Variants in PVT1 observed in about 807,000 individuals in gnomAD.
PVT1 encodes CXCR4/PVT1 fusion.
intron 2 of PVT1, among the ~76,000 whole-genome samples, chr8:127,842,259 T>C (rs1814982770): frequency 6.8e-6 from 1 of 147,068 alleles, no homozygotes; most frequent in Non-Finnish European, 1.5e-5. Flanking sequence ...GCTCTGGATT[T>C]TTTTTTTTTT....
intron 3 of PVT1, among the ~76,000 whole-genome samples, chr8:127,906,447 T>A (rs912906418): frequency 1.3e-5 from 2 of 152,146 alleles, no homozygotes; most frequent in African/African-American, 4.8e-5. Flanking sequence ...TTCCTGAGGA[T>A]GATAAATGTT....
intron 2 of PVT1, among the ~76,000 whole-genome samples, chr8:127,799,477 T>G (rs1027632485): frequency 2.6e-5 from 4 of 152,206 alleles, no homozygotes; most frequent in African/African-American, 9.6e-5. Context: ...TCAACAGTCA[T>G]TATCTTTTTA....
intron 2 of PVT1, among the ~76,000 whole-genome samples, chr8:127,865,488 C>A (rs1427859336): frequency 6.6e-6 from 1 of 152,144 alleles, no homozygotes; most frequent in African/African-American, 2.4e-5. Context: ...ATCACAGAGT[C>A]CTTACAAGTG....
At chr8:127,817,528 A>AATATATATATATATATATATATATATAT (rs36101639) in intron 2 of PVT1, among the ~76,000 whole-genome samples, 65 of 68,662 alleles carry the variant, frequency 9.5e-4, no homozygotes, top group African/African-American at 3.1e-3. Flanking sequence ...TATCTATTTA[A>AATATATATATATATATATATATATATAT]ATATATATAT....
intron 2 of PVT1, among the ~76,000 whole-genome samples, chr8:127,890,170 TC>T (rs1392726138): frequency 6.6e-6 from 1 of 152,168 alleles, no homozygotes. Context: ...AAGAACTACT[TC>T]CTACCAGCTG....
chr8:128,073,360 TC>T (rs1220824226), intron 5 of PVT1, among the ~76,000 whole-genome samples: 7 of 152,156 alleles, frequency 4.6e-5, no homozygotes, highest in African/African-American at 1.4e-4. Context: ...CCTCCTTTTC[TC>T]CCTCCATCCC....
At chr8:127,987,689 C>A (rs1816984731) in intron 3 of PVT1, among the ~76,000 whole-genome samples, 1 of 152,196 alleles carries the variant, frequency 6.6e-6, no homozygotes, top group Non-Finnish European at 1.5e-5. Flanking sequence ...CCTAAAAAGC[C>A]TCTTTAAGTA....
chr8:127,935,263 G>A (rs1057079037), intron 3 of PVT1, among the ~76,000 whole-genome samples: 8 of 152,112 alleles, frequency 5.3e-5, no homozygotes, highest in Admixed American at 1.3e-4. Flanking sequence ...CTGTAATCCC[G>A]GTGCCCAGCC....
intron 4 of PVT1, among the ~76,000 whole-genome samples, chr8:128,018,030 C>CA (rs1185335357): frequency 6.6e-6 from 1 of 152,122 alleles, no homozygotes; most frequent in African/African-American, 2.4e-5. Flanking sequence ...CGCATACGCA[C>CA]AAAAATATTG....
At chr8:127,991,652 G>A (rs753400702) in intron 4 of PVT1, among the ~76,000 whole-genome samples, 75 of 152,168 alleles carry the variant, frequency 4.9e-4, no homozygotes, top group Non-Finnish European at 1.0e-3. Context: ...GTGGGGTGAC[G>A]GAGAGACATT....
chr8:127,799,544 T>G (rs1453378524), intron 2 of PVT1, among the ~76,000 whole-genome samples: 1 of 152,218 alleles, frequency 6.6e-6, no homozygotes, highest in Non-Finnish European at 1.5e-5. Flanking sequence ...AGGGAAAGTA[T>G]GCTGATGAAA....
Position 127,984,875 on chromosome 8 carries a change from T to TTCTTTC in PVT1, n.783-4285_783-4280dup, listed in dbSNP as rs1554602105. 4.8e-3 allele frequency among the ~76,000 whole-genome samples: 410 copies of TTCTTTC among 86,216 alleles called. 11 individuals are homozygous for TTCTTTC. The highest frequency in any genetic ancestry group is 0.011 in the South Asian group (22 of 1,920). The allele number at this position is 86,216 out of a possible 152,430, so 56.6% of individuals were successfully genotyped here. ...TTTCTTTCTTTCTTTCTTTCTTTCT[T>TTCTTTC]TCTTTCTTTCTTTCTTTCTTTCTTT... On this transcript the variant is annotated intron_variant and non_coding_transcript_variant, in intron 3 of 10. Transcript: ENST00000651587.
intron 3 of PVT1, among the ~76,000 whole-genome samples, chr8:127,982,997 C>G (rs999024314): frequency 2.6e-5 from 4 of 152,128 alleles, no homozygotes; most frequent in East Asian, 1.9e-4. Context: ...CAGGGAGACA[C>G]GGGTCTGGGC....
At chr8:128,099,696 C>A (rs562268836) in intron 6 of PVT1, 1 of 152,100 alleles carries the variant, frequency 6.6e-6, no homozygotes, top group African/African-American at 2.4e-5. Flanking sequence ...GTCAAATATA[C>A]CCAGCTCACA....
At chr8:127,798,999 A>C (rs1255528375) in intron 2 of PVT1, among the ~76,000 whole-genome samples, 1 of 152,238 alleles carries the variant, frequency 6.6e-6, no homozygotes, top group African/African-American at 2.4e-5. Flanking sequence ...AAACAAAAAC[A>C]ATGTCAGGTC....
At chr8:127,925,631 A>C (rs1323292076) in intron 3 of PVT1, among the ~76,000 whole-genome samples, 2 of 118,600 alleles carry the variant, frequency 1.7e-5, no homozygotes, top group East Asian at 5.0e-4. Flanking sequence ...TGTGAATTTT[A>C]GAGGTTTTTT....
intron 3 of PVT1, among the ~76,000 whole-genome samples, chr8:127,986,169 C>T (rs138635367): frequency 3.9e-5 from 6 of 152,286 alleles, no homozygotes; most frequent in Non-Finnish European, 8.8e-5. Flanking sequence ...CCCTGCCTCT[C>T]GGCCTGTAGA....
At chr8:127,918,493 C>G (rs939884314) in intron 3 of PVT1, among the ~76,000 whole-genome samples, 5 of 152,192 alleles carry the variant, frequency 3.3e-5, no homozygotes, top group African/African-American at 1.2e-4. Context: ...CAACTGGAAC[C>G]ACTAGGCCCT....
At position 127,825,241 on chromosome 8, in the gene PVT1, A is replaced by C. The variant is rs79999321; in HGVS notation, n.372+29170A>C. 5.6e-3 allele frequency among the ~76,000 whole-genome samples: 851 copies of C among 152,208 alleles called. 32 individuals are homozygous for C. In the East Asian group the frequency reaches 0.12, roughly 22 times the overall value. Reference sequence around the variant, plus strand: ...ATATGTGTGCAGAAACCTATAGGATAGATTTCTGCAAGAATTATCAAGTCA... The same window carrying C: ...ATATGTGTGCAGAAACCTATAGGATCGATTTCTGCAAGAATTATCAAGTCA... On this transcript the variant is annotated intron_variant and non_coding_transcript_variant, in intron 2 of 10. Transcript: ENST00000651587.
Sources: allele counts gnomAD v4.1 joint callset (sites outside exome capture counted in the v4.1 genomes callset), GRCh38; gene constraint gnomAD v4.1.1; transcripts MANE v1.5; gene names NCBI Gene and HGNC (gene_info 2026-07-23, HGNC 2026-07-21).